VWA3B: variants seen among roughly 807,000 people sequenced by gnomAD.
VWA3B encodes von Willebrand factor A domain-containing protein 3B.
In VWA3B, 138 loss-of-function variants were observed where a neutral mutation model predicts 158.3. The ratio of observed to expected loss-of-function variants is 0.87; its 90% confidence interval spans 0.76 to 1.00. VWA3B has a LOEUF of 1.00. Among genes scored for constraint, VWA3B ranks in the 50% least tolerant of loss-of-function variants. The probability of loss-of-function intolerance (pLI) is 0.00; values close to 1 mark genes in which losing one functional copy is unlikely to be tolerated. For missense variants in VWA3B, 1,555 were observed against 1,565.1 expected (o/e 0.99, Z 0.11); for synonymous variants, 596 against 587.3 (o/e 1.01, Z -0.21).
chr2:98,329,935 A>G, the VWA3B span, among the ~76,000 whole-genome samples: 38 of 152,184 alleles, frequency 2.5e-4, no homozygotes, highest in African/African-American at 8.4e-4. Context: ...TGCAGAGTGT[A>G]AAGATGGGTG....
chr2:98,196,757 G>A (rs1450863824), intron 12 of VWA3B, among the ~76,000 whole-genome samples: 1 of 152,210 alleles, frequency 6.6e-6, no homozygotes, highest in Non-Finnish European at 1.5e-5. Flanking sequence ...GGCTCAGAGG[G>A]AAGAGTTGTT....
chr2:98,112,298 GT>G (rs2104917505), intron 2 of VWA3B, among the ~76,000 whole-genome samples: 3 of 150,452 alleles, frequency 2.0e-5, no homozygotes, highest in African/African-American at 7.4e-5. Flanking sequence ...GTGTGTGTGT[GT>G]GTGGGTGTGT....
At position 98,146,725 on chromosome 2, in the gene VWA3B, T is replaced by C. The variant is rs575444819; in HGVS notation, c.988+12786T>C. 3.3e-5 allele frequency among the ~76,000 whole-genome samples: 5 copies of C among 152,364 alleles called. No individual in the cohort carries two copies. In the South Asian group the frequency reaches 1.0e-3, roughly 32 times the overall value. On this transcript the variant is annotated intron_variant, in intron 7 of 27. Transcript: ENST00000477737. ...ATAGCCCTTATCAGTATGTTATTTTTGTCTCCTAGTTTAGAGGAAAAAAGG... is the reference window on the plus strand; with the variant it reads ...ATAGCCCTTATCAGTATGTTATTTTCGTCTCCTAGTTTAGAGGAAAAAAGG...
At chr2:98,170,908 A>T (rs1358906625) in intron 8 of VWA3B, among the ~76,000 whole-genome samples, 2 of 152,148 alleles carry the variant, frequency 1.3e-5, no homozygotes, top group East Asian at 3.9e-4. Flanking sequence ...CCCGACCAGA[A>T]CAATATTAAA....
intron 7 of VWA3B, among the ~76,000 whole-genome samples, chr2:98,146,828 C>T (rs13424156): frequency 0.02 from 3,029 of 152,228 alleles, 97 homozygotes; most frequent in African/African-American, 0.069. Flanking sequence ...TATATAGCTT[C>T]GTTCATCCTG....
rs989127920 is a variant in VWA3B at position 98,217,951 on chromosome 2, G to A, written c.1942G>A (p.Val648Ile). The change falls in exon 14 of 28, where the codon GTT (valine) becomes ATT (isoleucine). Residue 648 changes from valine to isoleucine, a missense_variant. Coordinates refer to ENST00000477737, the MANE Select transcript of VWA3B (RefSeq NM_144992.5). ...GATTGCAAACAGGTTTTTGAAAGAG[G>A]TTGCTGCTTTGACTGGAGGAGAGTT... Reference protein sequence around the residue: ...DEIANRFLKEVAALTGGEFHF... With the variant: ...DEIANRFLKEIAALTGGEFHF... The A allele has an allele frequency of 3.1e-6, 5 of 1,613,490 alleles. No individual in the cohort carries two copies. The African/African-American group carries it at 4.0e-5, about 13-fold the overall frequency.
intron 12 of VWA3B, among the ~76,000 whole-genome samples, chr2:98,204,489 T>C (rs62154935): frequency 6.6e-6 from 1 of 152,214 alleles, no homozygotes; most frequent in East Asian, 1.9e-4. Flanking sequence ...TGCCAAATCC[T>C]TTTCTGTGCA....
chr2:98,166,307 G>A (rs749371177), intron 8 of VWA3B, among the ~76,000 whole-genome samples: 1 of 152,090 alleles, frequency 6.6e-6, no homozygotes, highest in African/African-American at 2.4e-5. Context: ...ATTGCACTCC[G>A]GTCTGGGCAA....
At chr2:98,321,317 C>T in the VWA3B span, among the ~76,000 whole-genome samples, 4 of 152,300 alleles carry the variant, frequency 2.6e-5, no homozygotes, top group African/African-American at 9.6e-5. Flanking sequence ...GGTCAGATCC[C>T]CCACACAGAG....
At chr2:98,137,913 C>T (rs1016240273) in intron 7 of VWA3B, among the ~76,000 whole-genome samples, 8 of 152,090 alleles carry the variant, frequency 5.3e-5, no homozygotes, top group African/African-American at 1.4e-4. Flanking sequence ...AAATTAAAAA[C>T]ATTCCTACTT....
chr2:98,232,109 A>T (rs1179129650), intron 16 of VWA3B, among the ~76,000 whole-genome samples: 3 of 152,158 alleles, frequency 2.0e-5, no homozygotes, highest in African/African-American at 7.2e-5. Flanking sequence ...TCATGGAGCC[A>T]TTTCGGCCTA....
intron 22 of VWA3B, among the ~76,000 whole-genome samples, chr2:98,279,894 G>A (rs1040857581): frequency 4.9e-4 from 74 of 152,186 alleles, no homozygotes; most frequent in African/African-American, 1.5e-3. Context: ...AGGGGGATGC[G>A]TGAGTGGGGG....
chr2:98,221,501 G>A (rs747720126), intron 14 of VWA3B, among the ~76,000 whole-genome samples: 12 of 152,178 alleles, frequency 7.9e-5, no homozygotes, highest in Non-Finnish European at 1.5e-4. Context: ...AAGTGACTGT[G>A]CTCTGATCCC....
At chr2:98,191,957 C>T (rs753794329) in intron 10 of VWA3B, among the ~76,000 whole-genome samples, 2 of 152,164 alleles carry the variant, frequency 1.3e-5, no homozygotes, top group Non-Finnish European at 1.5e-5. Flanking sequence ...CTTGCAGCTA[C>T]GAATTTCATT....
Position 98,128,398 on chromosome 2 carries a change from AC to A in VWA3B, c.865del (p.His289ThrfsTer14). On this transcript the variant is annotated frameshift_variant, in exon 6 of 28. Coordinates refer to ENST00000477737, the MANE Select transcript of VWA3B (RefSeq NM_144992.5). LOFTEE classifies it high-confidence loss of function. ...TTTTCTAAAGGATCTGAGTGCCAAG[AC>A]CCACAGCAGGTAGGCAGAAAATGTG... is the stretch of plus-strand genomic sequence containing the variant. ...IAFLKDLSAKTHSRFHAFAER... is the reference protein window; with the variant it reads ...IAFLKDLSAKXHSRFHAFAER... 6.2e-7 allele frequency: 1 copy of A among 1,613,118 alleles called. No individual in the cohort carries two copies. Among genetic ancestry groups the A allele is most frequent in the Non-Finnish European group, 8.5e-7 (1 of 1,179,490 alleles).
downstream of VWA3B, among the ~76,000 whole-genome samples, chr2:98,316,057 G>T (rs1308007188): frequency 6.6e-6 from 1 of 152,152 alleles, no homozygotes; most frequent in African/African-American, 2.4e-5. Context: ...CACAAGATTA[G>T]GTTCCTGCAG....
chr2:98,179,603 CATTACA>C (rs1680306354), intron 8 of VWA3B, among the ~76,000 whole-genome samples: 1 of 152,198 alleles, frequency 6.6e-6, no homozygotes, highest in Non-Finnish European at 1.5e-5. Flanking sequence ...CTTTCCACCA[CATTACA>C]GAGCATTTTC....
chr2:98,160,111 G>A (rs771289675), intron 7 of VWA3B, among the ~76,000 whole-genome samples: 4 of 151,914 alleles, frequency 2.6e-5, no homozygotes, highest in Non-Finnish European at 5.9e-5. Context: ...GGTCTGAACA[G>A]CGGGGTTTCC....
At chr2:98,308,228 G>T (rs1048520667) in intron 26 of VWA3B, among the ~76,000 whole-genome samples, 1 of 152,286 alleles carries the variant, frequency 6.6e-6, no homozygotes, top group South Asian at 2.1e-4. Flanking sequence ...CCAGCTAGGC[G>T]GGTGCAGATT....
Sources: gnomAD v4.1 joint callset for allele counts (sites outside exome capture counted in the v4.1 genomes callset) on GRCh38, gnomAD v4.1.1 for gene constraint, MANE v1.5 for transcripts, NCBI Gene and HGNC (gene_info 2026-07-23, HGNC 2026-07-21) for gene names.